The following SUMF1 variants were observed in gnomAD, a reference collection of about 807,000 sequenced individuals.
The protein encoded by SUMF1 is sulfatase modifying factor 1.
SUMF1 carries 48 observed loss-of-function variants against 47.6 expected under a neutral mutation model. The observed-to-expected ratio is 1.01, with a 90% CI of 0.80 to 1.28. The LOEUF is 1.28. Among genes scored for constraint, SUMF1 ranks in the 50% most tolerant of loss-of-function variants. The pLI is 0.00. For synonymous variants in SUMF1, 230 were observed against 192.1 expected, an observed-to-expected ratio of 1.20 and a Z score of -1.63; for missense variants, 571 against 485.4, an observed-to-expected ratio of 1.18 and a Z score of -1.66.
intron 8 of SUMF1, among the ~76,000 whole-genome samples, chr3:4,235,927 A>G (rs1021823211): frequency 5.9e-5 from 9 of 152,070 alleles, no homozygotes; most frequent in Non-Finnish European, 1.3e-4. Context: ...AAATACAAGC[A>G]CATGTCTATA....
At chr3:4,322,317 G>T (rs1271265) in intron 8 of SUMF1, among the ~76,000 whole-genome samples, 79,867 of 151,692 alleles carry the variant, frequency 0.53, 24,602 homozygotes, top group African/African-American at 0.87. Flanking sequence ...TAATATCATA[G>T]GTATGTATCA....
chr3:4,219,411 A>G (rs1171631866), intron 8 of SUMF1, among the ~76,000 whole-genome samples: 1 of 152,154 alleles, frequency 6.6e-6, no homozygotes. Context: ...ACCCACACTC[A>G]TATCTTCTGA....
chr3:4,465,252 G>T, intron 1 of SUMF1, among the ~76,000 whole-genome samples: 1 of 152,136 alleles, frequency 6.6e-6, no homozygotes, highest in Admixed American at 6.5e-5. Flanking sequence ...CAAGGCAAGC[G>T]GATCACAAGG....
At chr3:4,281,274 C>A (rs946964372) in intron 8 of SUMF1, among the ~76,000 whole-genome samples, 1 of 151,984 alleles carries the variant, frequency 6.6e-6, no homozygotes, top group Non-Finnish European at 1.5e-5. Flanking sequence ...ATATTACAGA[C>A]AAGGAGACTC....
At chr3:4,051,424 T>A (rs1399970212) in intron 9 of SUMF1, among the ~76,000 whole-genome samples, 1 of 152,164 alleles carries the variant, frequency 6.6e-6, no homozygotes, top group Non-Finnish European at 1.5e-5. Flanking sequence ...CCTGCTCCTC[T>A]ACTGTCCACA....
At chr3:4,134,614 C>T (rs1451105897) in intron 8 of SUMF1, among the ~76,000 whole-genome samples, 1 of 152,050 alleles carries the variant, frequency 6.6e-6, no homozygotes, top group Non-Finnish European at 1.5e-5. Flanking sequence ...CAAGAAATTA[C>T]TAAGATCAGA....
chr3:4,414,349 C>A (rs190672402), intron 6 of SUMF1, among the ~76,000 whole-genome samples: 1 of 152,256 alleles, frequency 6.6e-6, no homozygotes, highest in East Asian at 1.9e-4. Flanking sequence ...AAAATGAGAC[C>A]TGAAATAATA....
intron 2 of SUMF1, among the ~76,000 whole-genome samples, chr3:4,449,949 T>A (rs1488275502): frequency 1.3e-5 from 2 of 152,226 alleles, no homozygotes; most frequent in African/African-American, 4.8e-5. Flanking sequence ...ATGACTCTCC[T>A]CCTACATTTG....
chr3:4,376,911 T>G, intron 7 of SUMF1, among the ~76,000 whole-genome samples: 1 of 152,098 alleles, frequency 6.6e-6, no homozygotes, highest in Non-Finnish European at 1.5e-5. Flanking sequence ...TCCTCCCTCC[T>G]CAGCCTCCCA....
At chr3:4,309,461 T>C (rs1698318749) in intron 8 of SUMF1, among the ~76,000 whole-genome samples, 2 of 152,272 alleles carry the variant, frequency 1.3e-5, no homozygotes, top group Middle Eastern at 3.4e-3. Flanking sequence ...CTACCCAGGG[T>C]GTATCAGTCA....
chr3:4,193,765 C>G (rs1695372182), intron 8 of SUMF1, among the ~76,000 whole-genome samples: 1 of 152,052 alleles, frequency 6.6e-6, no homozygotes, highest in Admixed American at 6.6e-5. Flanking sequence ...TTCACCTCCA[C>G]TATTTTACCA....
intron 8 of SUMF1, among the ~76,000 whole-genome samples, chr3:4,249,681 C>CT (rs1559611907): frequency 6.6e-6 from 1 of 152,144 alleles, no homozygotes; most frequent in East Asian, 1.9e-4. Context: ...AAAATGGCCT[C>CT]TAAGTTTTTA....
At chr3:4,211,536 T>C (rs1428148418) in intron 8 of SUMF1, among the ~76,000 whole-genome samples, 1 of 151,934 alleles carries the variant, frequency 6.6e-6, no homozygotes. Context: ...TAAGAGAATA[T>C]CTTCATGACC....
At chr3:4,299,325 G>A (rs1049035640) in intron 8 of SUMF1, among the ~76,000 whole-genome samples, 1 of 152,114 alleles carries the variant, frequency 6.6e-6, no homozygotes, top group East Asian at 1.9e-4. Context: ...CCCACAGAAG[G>A]GGTACACCTG....
chr3:4,196,295 C>G (rs1452954226), intron 8 of SUMF1, among the ~76,000 whole-genome samples: 1 of 152,022 alleles, frequency 6.6e-6, no homozygotes, highest in African/African-American at 2.4e-5. Flanking sequence ...AGAGGTGGTA[C>G]TTATTGAGGA....
chr3:4,446,786 T>C (rs548311082), intron 3 of SUMF1, among the ~76,000 whole-genome samples: 2 of 152,154 alleles, frequency 1.3e-5, no homozygotes, highest in African/African-American at 4.8e-5. Context: ...CAGGAAAGTC[T>C]CCAGGCTAAA....
chr3:4,289,582 T>C (rs766677965), intron 8 of SUMF1, among the ~76,000 whole-genome samples: 1 of 152,160 alleles, frequency 6.6e-6, no homozygotes, highest in Non-Finnish European at 1.5e-5. Context: ...ATCAATTCTG[T>C]TCTTATAGAT....
intron 8 of SUMF1, among the ~76,000 whole-genome samples, chr3:4,269,063 C>G (rs35678479): frequency 6.6e-6 from 1 of 152,124 alleles, no homozygotes; most frequent in Non-Finnish European, 1.5e-5. Flanking sequence ...GAACATACCT[C>G]TGGAAACACC....
At chr3:4,357,489 T>C (rs1036932026), downstream of SUMF1, among the ~76,000 whole-genome samples, 6 of 151,856 alleles carry the variant, frequency 4.0e-5, no homozygotes, top group Admixed American at 3.3e-4. Flanking sequence ...TCAATAGAAT[T>C]CTCAGTAAAT....
Sources: allele counts gnomAD v4.1 joint callset (sites outside exome capture counted in the v4.1 genomes callset), GRCh38; gene constraint gnomAD v4.1.1; transcripts MANE v1.5; gene names NCBI Gene and HGNC (gene_info 2026-07-23, HGNC 2026-07-21).